The following SLX4IP variants were observed in gnomAD, a reference collection of about 807,000 sequenced individuals.
SLX4IP encodes the protein protein SLX4IP.
In SLX4IP, 34 loss-of-function variants were observed where a neutral mutation model predicts 32.9. That is an observed-to-expected ratio of 1.03 (90% confidence interval 0.79 to 1.38). SLX4IP has a LOEUF of 1.38. Ranked by LOEUF, SLX4IP falls within the 40% of genes most tolerant of loss-of-function variation. SLX4IP has a pLI of 0.00. For missense variants in SLX4IP, 444 were observed against 479.0 expected (o/e 0.93, Z 0.68); for synonymous variants, 172 against 171.7 (o/e 1.00, Z -0.01).
Position 10,497,812 on chromosome 20 carries a change from G to C in SLX4IP, c.27+39581G>C, listed in dbSNP as rs1210524188. On this transcript the variant is annotated intron_variant, in intron 2 of 7. Coordinates refer to ENST00000334534, the MANE Select transcript of SLX4IP (RefSeq NM_001009608.3). Reference sequence around the variant, plus strand: ...TTGGTTTGGAGGCTCATTTTGAGTAGGCTGCTGCTTCTTCCTTTAAAAAAA... The same window carrying C: ...TTGGTTTGGAGGCTCATTTTGAGTACGCTGCTGCTTCTTCCTTTAAAAAAA... Among the ~76,000 whole-genome samples, 3 of 151,904 alleles carry C rather than the reference G, an allele frequency of 2.0e-5. No homozygotes were observed. The East Asian group carries it at 5.8e-4, about 29-fold the overall frequency.
intron 4 of SLX4IP, among the ~76,000 whole-genome samples, chr20:10,562,625 C>A (rs1339749243): frequency 6.6e-6 from 1 of 152,210 alleles, no homozygotes; most frequent in East Asian, 1.9e-4. Flanking sequence ...TCACCTAGGT[C>A]TGTGGGCACA....
intron 2 of SLX4IP, among the ~76,000 whole-genome samples, chr20:10,476,793 G>A (rs1460605217): frequency 1.3e-5 from 2 of 152,048 alleles, no homozygotes; most frequent in Non-Finnish European, 2.9e-5. Flanking sequence ...AAACTCAATG[G>A]AAAAATGTAA....
intron 6 of SLX4IP, among the ~76,000 whole-genome samples, chr20:10,615,480 A>T (rs1023798647): frequency 5.3e-5 from 8 of 151,992 alleles, no homozygotes; most frequent in African/African-American, 1.7e-4. Flanking sequence ...ACTCATCCAA[A>T]GTCATTTCCT....
At chr20:10,604,558 C>T (rs2066882945) in intron 6 of SLX4IP, among the ~76,000 whole-genome samples, 1 of 152,270 alleles carries the variant, frequency 6.6e-6, no homozygotes, top group African/African-American at 2.4e-5. Flanking sequence ...AAAAGAACTG[C>T]TGTTCCAGAT....
At chr20:10,565,882 A>G (rs900382822) in intron 4 of SLX4IP, among the ~76,000 whole-genome samples, 1 of 152,216 alleles carries the variant, frequency 6.6e-6, no homozygotes, top group Non-Finnish European at 1.5e-5. Flanking sequence ...CTTCTAAGTG[A>G]TGTTTACTCC....
At chr20:10,477,673 A>G (rs748109360) in intron 2 of SLX4IP, among the ~76,000 whole-genome samples, 5 of 152,192 alleles carry the variant, frequency 3.3e-5, no homozygotes, top group Non-Finnish European at 5.9e-5. Flanking sequence ...ATAAGTGTCA[A>G]TCTTCATGGG....
At chr20:10,486,184 ATT>A (rs34444606) in intron 2 of SLX4IP, among the ~76,000 whole-genome samples, 47,466 of 145,038 alleles carry the variant, frequency 0.33, 8,704 homozygotes, top group Non-Finnish European at 0.42. Flanking sequence ...CCTTGCTTAA[ATT>A]TTTTTTTTTT....
chr20:10,554,424 A>G (rs1407734832), intron 2 of SLX4IP, among the ~76,000 whole-genome samples: 1 of 152,224 alleles, frequency 6.6e-6, no homozygotes, highest in Non-Finnish European at 1.5e-5. Flanking sequence ...GTGTGCACAT[A>G]TACTTCATCT....
intron 4 of SLX4IP, among the ~76,000 whole-genome samples, chr20:10,592,912 G>A (rs763480409): frequency 2.0e-5 from 3 of 152,082 alleles, no homozygotes; most frequent in African/African-American, 7.2e-5. Flanking sequence ...GATTACAGGC[G>A]TGAGCCACTG....
intron 2 of SLX4IP, among the ~76,000 whole-genome samples, chr20:10,466,606 G>A (rs2065382602): frequency 1.3e-5 from 2 of 152,118 alleles, no homozygotes; most frequent in South Asian, 4.2e-4. Flanking sequence ...ACTCGGACCC[G>A]CCAGATTTCT....
In SLX4IP at chr20:10,622,849, T is replaced by C. The variant is rs1220051998; in HGVS notation, c.697T>C (p.Trp233Arg). The change falls in exon 8 of 8, where the codon TGG becomes CGG. Residue 233 changes from tryptophan (W) to arginine (R), a missense_variant. Transcript: ENST00000334534. Reference sequence around the variant, plus strand: ...TTCCATAAAGGCAGCTGAGAGCCACTGGGGGCTTCCTGTTCAAAAGCTGGA... The same window carrying C: ...TTCCATAAAGGCAGCTGAGAGCCACCGGGGGCTTCCTGTTCAAAAGCTGGA... The part of the protein sequence containing the change: ...KDSIKAAESH[W>R]GLPVQKLEKV... The C allele has an allele frequency of 6.2e-7, 1 of 1,614,074 alleles. No individual in the cohort carries two copies. Among genetic ancestry groups the C allele is most frequent in the Non-Finnish European group, 8.5e-7 (1 of 1,180,020 alleles).
chr20:10,546,873 GA>G (rs781271434), intron 2 of SLX4IP, among the ~76,000 whole-genome samples: 15 of 152,160 alleles, frequency 9.9e-5, no homozygotes, highest in Non-Finnish European at 1.9e-4. Context: ...AACCATTAGG[GA>G]GGGTCTAAAG....
chr20:10,608,622 C>T (rs1361906368), intron 6 of SLX4IP, among the ~76,000 whole-genome samples: 7 of 143,400 alleles, frequency 4.9e-5, no homozygotes, highest in Non-Finnish European at 8.9e-5. Context: ...TGCAGTGAGC[C>T]GAGATTGCAC....
intron 4 of SLX4IP, among the ~76,000 whole-genome samples, chr20:10,589,627 T>G (rs996597993): frequency 6.6e-6 from 1 of 152,206 alleles, no homozygotes; most frequent in Admixed American, 6.5e-5. Flanking sequence ...ATACTCAATT[T>G]ATTATTCATT....
intron 2 of SLX4IP, among the ~76,000 whole-genome samples, chr20:10,542,448 T>G (rs755066573): frequency 6.6e-6 from 1 of 152,228 alleles, no homozygotes; most frequent in Non-Finnish European, 1.5e-5. Flanking sequence ...TATTCTTTTT[T>G]AGATTAATCA....
chr20:10,518,194 G>T (rs1199435653), intron 2 of SLX4IP, among the ~76,000 whole-genome samples: 3 of 152,138 alleles, frequency 2.0e-5, no homozygotes, highest in African/African-American at 7.2e-5. Flanking sequence ...AAAGAGTTCT[G>T]TTTAGAAAAG....
At chr20:10,496,350 TA>T (rs1226085769) in intron 2 of SLX4IP, among the ~76,000 whole-genome samples, 2 of 152,190 alleles carry the variant, frequency 1.3e-5, no homozygotes, top group Admixed American at 6.6e-5. Flanking sequence ...GTCTTCTGCT[TA>T]ATTCATCATA....
chr20:10,539,308 T>C (rs572043758), intron 2 of SLX4IP, among the ~76,000 whole-genome samples: 2 of 152,336 alleles, frequency 1.3e-5, no homozygotes, highest in South Asian at 4.1e-4. Context: ...CCTCAAATAG[T>C]TGTAGGATTG....
At chr20:10,535,629 T>C (rs139451625) in intron 2 of SLX4IP, among the ~76,000 whole-genome samples, 77 of 152,210 alleles carry the variant, frequency 5.1e-4, no homozygotes, top group African/African-American at 1.7e-3. Flanking sequence ...CCCAAGAACA[T>C]GTAGTTTTGT....
Sources: allele counts gnomAD v4.1 joint callset (sites outside exome capture counted in the v4.1 genomes callset), GRCh38; gene constraint gnomAD v4.1.1; transcripts MANE v1.5; gene names NCBI Gene and HGNC (gene_info 2026-07-23, HGNC 2026-07-21).